Variants in NPHP4 observed in about 807,000 individuals in gnomAD.
NPHP4 encodes nephrocystin-4.
NPHP4 carries 151 observed loss-of-function variants against 155.8 expected under a neutral mutation model. The ratio of observed to expected loss-of-function variants is 0.97; its 90% confidence interval spans 0.85 to 1.11. The LOEUF (loss-of-function observed/expected upper bound fraction) is 1.11, where lower values mean the gene tolerates loss of function less well. Ranked by LOEUF, NPHP4 falls within the 50% of genes least tolerant of loss-of-function variation. The pLI is 0.00. For missense variants in NPHP4, 1,956 were observed against 1,925.7 expected (o/e 1.02, Z -0.29); for synonymous variants, 845 against 816.8 (o/e 1.03, Z -0.59).
chr1:5,943,408 C>T (rs530426873), intron 9 of NPHP4, among the ~76,000 whole-genome samples: 2 of 152,182 alleles, frequency 1.3e-5, no homozygotes, highest in East Asian at 1.9e-4. Flanking sequence ...GTAGCCTCCT[C>T]GTCTGTGCAT....
At chr1:5,876,533 A>T (rs189750131) in intron 20 of NPHP4, 1 of 152,416 alleles carries the variant, frequency 6.6e-6, no homozygotes, top group Non-Finnish European at 1.5e-5. Flanking sequence ...ACTGTCAGGA[A>T]AAGGGCCACC....
At chr1:5,951,271 G>A (rs796148684) in intron 7 of NPHP4, among the ~76,000 whole-genome samples, 116 of 152,336 alleles carry the variant, frequency 7.6e-4, no homozygotes, top group African/African-American at 2.6e-3. Flanking sequence ...ATTGCATTCT[G>A]TGCGCTTCTG....
At chr1:5,898,764 G>A (rs1290478101) in intron 16 of NPHP4, among the ~76,000 whole-genome samples, 1 of 152,218 alleles carries the variant, frequency 6.6e-6, no homozygotes, top group Non-Finnish European at 1.5e-5. Flanking sequence ...TATGGGGCCA[G>A]TGCTTTAAAA....
chr1:5,892,896 C>T lies in NPHP4; in HGVS notation c.2144-1868G>A, dbSNP rs146863001. 2.9e-3 allele frequency among the ~76,000 whole-genome samples: 444 copies of T among 152,308 alleles called. 5 individuals are homozygous for T. The highest frequency in any genetic ancestry group is 0.01 in the African/African-American group (418 of 41,562). ...TCCTGCACCCCCTTCACAAACACCA[C>T]GCCCCAGCCCGGCTGGAATCCTCAC... On this transcript the variant is annotated intron_variant, in intron 16 of 29. Coordinates refer to ENST00000378156, the MANE Select transcript of NPHP4 (RefSeq NM_015102.5). This position sits in a 1 kb window ranked among gnomAD's most constrained non-coding sequence, Gnocchi z 4.5.
chr1:5,933,925 C>T (rs1349160563), intron 9 of NPHP4, among the ~76,000 whole-genome samples: 1 of 152,182 alleles, frequency 6.6e-6, no homozygotes, highest in African/African-American at 2.4e-5. Flanking sequence ...CTTCTTTCTG[C>T]TTCTCTCTGG....
chr1:5,925,607 T>A (rs1372424353), intron 11 of NPHP4, among the ~76,000 whole-genome samples: 5 of 152,068 alleles, frequency 3.3e-5, no homozygotes, highest in African/African-American at 1.2e-4. Flanking sequence ...GAATGGGTTT[T>A]TTTTTGTTTG....
intron 13 of NPHP4, among the ~76,000 whole-genome samples, chr1:5,906,126 C>G (rs887288657): frequency 3.9e-5 from 6 of 152,164 alleles, no homozygotes; most frequent in African/African-American, 1.4e-4. Context: ...AGGTCAGGAC[C>G]GTGGGAGATA....
intron 11 of NPHP4, among the ~76,000 whole-genome samples, chr1:5,925,661 G>T (rs977200575): frequency 6.6e-6 from 1 of 152,088 alleles, no homozygotes; most frequent in African/African-American, 2.4e-5. Flanking sequence ...TGTCGCCCAG[G>T]CTGGAGTGCA....
intron 23 of NPHP4, chr1:5,868,359 G>A (rs1453175314): frequency 3.6e-6 from 1 of 279,844 alleles, no homozygotes; most frequent in Non-Finnish European, 7.0e-6. Flanking sequence ...GCAAAAAGAG[G>A]CTGTGCCTAA....
chr1:5,986,600 G>T (rs1440819933), intron 1 of NPHP4, among the ~76,000 whole-genome samples: 1 of 152,282 alleles, frequency 6.6e-6, no homozygotes, highest in Non-Finnish European at 1.5e-5. Context: ...ATAACACACT[G>T]TATCTAGGGT....
chr1:5,895,446 G>A (rs1644348419), intron 16 of NPHP4, among the ~76,000 whole-genome samples: 1 of 152,148 alleles, frequency 6.6e-6, no homozygotes, highest in Non-Finnish European at 1.5e-5. Context: ...GCTGCAGTTT[G>A]CCAAGATCGC....
At chr1:5,894,573 T>A (rs1231388219) in intron 16 of NPHP4, among the ~76,000 whole-genome samples, 1 of 150,388 alleles carries the variant, frequency 6.6e-6, no homozygotes, top group Admixed American at 6.6e-5. Context: ...ATAATGAAAA[T>A]ACTACTTATC....
rs765643123 is a variant in NPHP4, at chr1:5,867,718, G to A, written c.3472+22C>T. ...CAGGTGAGCCTGCAACATGTGGGCT[G>A]CAGGGTCAGTGCAGGACCTGCCTGG... On this transcript the variant is annotated intron_variant, in intron 24 of 29. Coordinates refer to ENST00000378156, the MANE Select transcript of NPHP4 (RefSeq NM_015102.5). The surrounding 1 kb of genome is among the most constrained non-coding windows in gnomAD (Gnocchi z 4.1). 5.0e-6 allele frequency: 8 copies of A among 1,605,590 alleles called. No individual in the cohort carries two copies. In the South Asian group the frequency reaches 6.6e-5, roughly 13 times the overall value.
rs1462156312 is a variant in NPHP4, at chr1:5,890,038, G to A, written c.2304+830C>T. Among the ~76,000 whole-genome samples, 3 of 152,036 alleles carry A rather than the reference G, an allele frequency of 2.0e-5. No individual in the cohort carries two copies. Among genetic ancestry groups the A allele is most frequent in the Non-Finnish European group, 2.9e-5 (2 of 68,002 alleles). ...CATCCCCCCACCCCGAGAGCACAGCGCAGCTGAAGGAGCAGAGGAGCCGTG... is the reference window on the plus strand; with the variant it reads ...CATCCCCCCACCCCGAGAGCACAGCACAGCTGAAGGAGCAGAGGAGCCGTG... On this transcript the variant is annotated intron_variant, in intron 17 of 29. Coordinates refer to ENST00000378156, the MANE Select transcript of NPHP4 (RefSeq NM_015102.5). The surrounding 1 kb of genome is among the most constrained non-coding windows in gnomAD (Gnocchi z 4.9).
At chr1:5,870,670 GA>G (rs1313059860) in intron 23 of NPHP4, among the ~76,000 whole-genome samples, 1 of 152,224 alleles carries the variant, frequency 6.6e-6, no homozygotes. Flanking sequence ...TTAACTGAAT[GA>G]AAACAGTAAC....
At chr1:5,974,655 G>A (rs1343829540) in intron 3 of NPHP4, among the ~76,000 whole-genome samples, 4 of 148,762 alleles carry the variant, frequency 2.7e-5, no homozygotes, top group Non-Finnish European at 5.9e-5. Flanking sequence ...TCCTGCATAT[G>A]GGCCCAGTGC....
rs1489922522 is a variant in NPHP4, at chr1:5,889,552, C to T, written c.2304+1316G>A. 6.6e-6 allele frequency among the ~76,000 whole-genome samples: 1 copy of T among 152,196 alleles called. No individual in the cohort carries two copies. The highest frequency in any genetic ancestry group is 2.4e-5 in the African/African-American group (1 of 41,448). ...GGGCACAAGGCTCGGCTGGGCACGACAGGGGAGCCACTGCCACCCCACACA... is the reference window on the plus strand; with the variant it reads ...GGGCACAAGGCTCGGCTGGGCACGATAGGGGAGCCACTGCCACCCCACACA... On this transcript the variant is annotated intron_variant, in intron 17 of 29. Transcript: ENST00000378156. This position sits in a 1 kb window ranked among gnomAD's most constrained non-coding sequence, Gnocchi z 4.2.
chr1:5,971,491 G>A lies in NPHP4; in HGVS notation c.280-2232C>T, dbSNP rs1023393560. ...AGCCCCAAGCTAAAGAATTTATAAC[G>A]AACCTGGAAAACACAAGTCAGCTTT... On this transcript the variant is annotated intron_variant, in intron 3 of 29. Coordinates refer to ENST00000378156, the MANE Select transcript of NPHP4 (RefSeq NM_015102.5). Among the ~76,000 whole-genome samples, 11 of 152,218 alleles carry A rather than the reference G, an allele frequency of 7.2e-5. No homozygotes were observed. The South Asian group carries it at 2.1e-3, about 29-fold the overall frequency.
chr1:5,867,994 G>T lies in NPHP4; in HGVS notation c.3316-98C>A. The T allele has an allele frequency of 1.5e-6, 2 of 1,327,236 alleles. No homozygotes were observed. Among genetic ancestry groups the T allele is most frequent in the Non-Finnish European group, 2.2e-6 (2 of 926,868 alleles). The allele number at this position is 1,327,236 out of a possible 1,614,324, so 82.2% of individuals were successfully genotyped here. A position where few individuals can be genotyped will look rare whatever the true frequency, so the allele number is the denominator to read the frequency against. On this transcript the variant is annotated intron_variant, in intron 23 of 29. Transcript: ENST00000378156. This position sits in a 1 kb window ranked among gnomAD's most constrained non-coding sequence, Gnocchi z 4.1. ...GCACACGTATCTCCACTGTTGCCAA[G>T]ACCCCCTCACCCTCCACTGCCATGA...
Sources: allele counts gnomAD v4.1 joint callset (sites outside exome capture counted in the v4.1 genomes callset), GRCh38; gene constraint gnomAD v4.1.1; non-coding constraint Gnocchi (gnomAD v3.1); transcripts MANE v1.5; gene names NCBI Gene and HGNC (gene_info 2026-07-23, HGNC 2026-07-21).